NPAS3: variants seen among roughly 807,000 people sequenced by gnomAD.
NPAS3 encodes neuronal PAS domain protein 3.
A neutral mutation model predicts 73.1 loss-of-function variants in NPAS3; 14 were observed. That is an observed-to-expected ratio of 0.19 (90% CI 0.13 to 0.30). The LOEUF is 0.30. Ranked by LOEUF, NPAS3 falls within the 10% of genes least tolerant of loss-of-function variation. NPAS3 has a pLI of 1.00. For synonymous variants in NPAS3, 620 were observed against 541.5 expected (o/e 1.14, Z -2.01); for missense variants, 1,096 against 1,250.0 (o/e 0.88, Z 1.86).
Position 33,295,400 on chromosome 14 carries a change from C to T in NPAS3, c.386-71786C>T, listed in dbSNP as rs112509208. On this transcript the variant is annotated intron_variant, in intron 3 of 11. Coordinates refer to ENST00000356141, the Ensembl canonical transcript of NPAS3. ...ACTGAAAGCCTGCCACTGTGTACTC[C>T]GCATGCTGGCTTTCATTTCTATCTA... Among the ~76,000 whole-genome samples the T allele has an allele frequency of 3.5e-3, 537 of 152,286 alleles. 4 individuals carry two copies. The highest frequency in any genetic ancestry group is 6.8e-3 in the South Asian group (33 of 4,822).
intron 2 of NPAS3, 73 bp downstream of exon 2, chr14:33,056,067 T>C (rs976499676): frequency 6.0e-6 from 4 of 671,344 alleles, no homozygotes; most frequent in Admixed American, 2.5e-5. Context: ...TATTCAAAAA[T>C]ATCCTTGTAT....
At chr14:33,312,464 G>A (rs1390556239) in intron 3 of NPAS3, among the ~76,000 whole-genome samples, 1 of 151,814 alleles carries the variant, frequency 6.6e-6, no homozygotes, top group Non-Finnish European at 1.5e-5. Context: ...TTGTAACAAC[G>A]GGAGTAATAT....
intron 4 of NPAS3, among the ~76,000 whole-genome samples, chr14:33,405,367 A>T: frequency 6.6e-6 from 1 of 152,118 alleles, no homozygotes; most frequent in East Asian, 1.9e-4. Flanking sequence ...TATGAGGGAA[A>T]GTCTCCTTCC....
intron 9 of NPAS3, among the ~76,000 whole-genome samples, chr14:33,784,865 C>T (rs2063119998): frequency 2.0e-5 from 3 of 148,804 alleles, no homozygotes; most frequent in East Asian, 4.1e-4. Context: ...ATTCTCCTGC[C>T]TCAGCCTCCC....
At chr14:33,466,313 A>C (rs2050524055) in intron 4 of NPAS3, among the ~76,000 whole-genome samples, 1 of 152,220 alleles carries the variant, frequency 6.6e-6, no homozygotes, top group African/African-American at 2.4e-5. Flanking sequence ...CTCAAATTCT[A>C]GAGTTTAGAA....
chr14:33,130,419 A>G (rs11622382), intron 2 of NPAS3, among the ~76,000 whole-genome samples: 22,200 of 152,156 alleles, frequency 0.15, 1,785 homozygotes, highest in Middle Eastern at 0.29. Flanking sequence ...TTGAATTGCA[A>G]GATTATTTTT....
chr14:33,672,199 C>G (rs2059628091), intron 5 of NPAS3, among the ~76,000 whole-genome samples: 1 of 152,138 alleles, frequency 6.6e-6, no homozygotes, highest in African/African-American at 2.4e-5. Context: ...AAACCTGTCC[C>G]TTCCCGGCAT....
chr14:33,527,213 A>AGGGC (rs2053840636), intron 4 of NPAS3, among the ~76,000 whole-genome samples: 1 of 152,168 alleles, frequency 6.6e-6, no homozygotes, highest in African/African-American at 2.4e-5. Flanking sequence ...ACAAATACTG[A>AGGGC]GGGCATGAGC....
At chr14:33,081,388 G>C (rs1486554999) in intron 2 of NPAS3, among the ~76,000 whole-genome samples, 1 of 151,056 alleles carries the variant, frequency 6.6e-6, no homozygotes, top group African/African-American at 2.4e-5. Context: ...TTTTTCCCCA[G>C]CTTATTCTCA....
intron 9 of NPAS3, among the ~76,000 whole-genome samples, chr14:33,784,733 A>ATTT (rs1361050440): frequency 7.2e-4 from 56 of 78,276 alleles, no homozygotes; most frequent in East Asian, 2.2e-3. Context: ...TTATTTATTT[A>ATTT]TTTATTTATT....
rs1340390807 is a variant in NPAS3, at chr14:33,325,872, TA to T, written c.386-41313del. On this transcript the variant is annotated intron_variant, in intron 3 of 11. Transcript: ENST00000356141. ...ATCACCTTTTCAAATATTTTGAAGT[TA>T]TTTTTTACTTGAGACTTTCAGTTAC... 9.2e-5 allele frequency among the ~76,000 whole-genome samples: 14 copies of T among 152,220 alleles called. No individual in the cohort carries two copies. The East Asian group carries it at 2.7e-3, about 29-fold the overall frequency.
intron 6 of NPAS3, among the ~76,000 whole-genome samples, chr14:33,710,199 G>A (rs1010172677): frequency 3.3e-5 from 5 of 152,178 alleles, no homozygotes; most frequent in Non-Finnish European, 5.9e-5. Flanking sequence ...GGCAAAACTT[G>A]TGAGCAGAAC....
chr14:33,588,482 A>G (rs112761013), intron 5 of NPAS3, among the ~76,000 whole-genome samples: 2 of 152,340 alleles, frequency 1.3e-5, no homozygotes, highest in African/African-American at 2.4e-5. Flanking sequence ...CTAATTTCTC[A>G]ACTTGTCAGA....
intron 3 of NPAS3, among the ~76,000 whole-genome samples, chr14:33,286,655 C>A (rs1299213795): frequency 6.6e-6 from 1 of 151,438 alleles, no homozygotes; most frequent in Non-Finnish European, 1.5e-5. Context: ...AATGTGAGGG[C>A]TTTTCTTGGC....
intron 5 of NPAS3, among the ~76,000 whole-genome samples, chr14:33,664,541 C>A (rs1401074563): frequency 6.6e-6 from 1 of 152,150 alleles, no homozygotes; most frequent in South Asian, 2.1e-4. Context: ...AACTAAAGAG[C>A]TTCTGCACAG....
intron 2 of NPAS3, among the ~76,000 whole-genome samples, chr14:33,200,999 GA>G (rs1450764311): frequency 6.6e-6 from 1 of 152,068 alleles, no homozygotes. Context: ...AACCATTTCA[GA>G]AAACGAATAA....
chr14:33,647,210 C>G (rs1235680371), intron 5 of NPAS3, among the ~76,000 whole-genome samples: 1 of 151,872 alleles, frequency 6.6e-6, no homozygotes, highest in African/African-American at 2.4e-5. Flanking sequence ...CCAGAATGCA[C>G]CAAATGGCAT....
rs1223579197 is a variant in NPAS3, at chr14:33,800,602, G to C, written c.2295G>C (p.Gly765=). The C allele has an allele frequency of 1.9e-5, 25 of 1,299,370 alleles. No individual in the cohort carries two copies. The Admixed American group carries it at 2.5e-4, about 13-fold the overall frequency. The allele number at this position is 1,299,370 out of a possible 1,614,324, so 80.5% of individuals were successfully genotyped here. A position where few individuals can be genotyped will look rare whatever the true frequency, so the allele number is the denominator to read the frequency against. Reference sequence around the variant, plus strand: ...ACAAGCACCCCGGGAACGGCGGCGGGGGCGGGGGCGGGGGCGGCGGCGCGG... The same window carrying C: ...ACAAGCACCCCGGGAACGGCGGCGGCGGCGGGGGCGGGGGCGGCGGCGCGG... The change falls in exon 12 of 12, where the codon GGG becomes GGC. Residue 765 remains glycine (G), a synonymous_variant. Coordinates refer to ENST00000356141, the Ensembl canonical transcript of NPAS3. This position sits in a 1 kb window ranked among gnomAD's most constrained non-coding sequence, Gnocchi z 6.5.
At chr14:33,091,346 A>T (rs35866208) in intron 2 of NPAS3, among the ~76,000 whole-genome samples, 13,995 of 152,252 alleles carry the variant, frequency 0.092, 873 homozygotes, top group Non-Finnish European at 0.15. Context: ...CTACCATGAG[A>T]GAATACTATA....
Sources: allele counts gnomAD v4.1 joint callset (sites outside exome capture counted in the v4.1 genomes callset), GRCh38; gene constraint gnomAD v4.1.1; non-coding constraint Gnocchi (gnomAD v3.1); transcripts MANE v1.5; gene names NCBI Gene and HGNC (gene_info 2026-07-23, HGNC 2026-07-21).